The following ROBO2 variants were observed in gnomAD, a reference collection of about 807,000 sequenced individuals.
The protein encoded by ROBO2 is roundabout guidance receptor 2.
In ROBO2, 53 loss-of-function variants were observed where a neutral mutation model predicts 160.8. The observed-to-expected ratio is 0.33, with a 90% confidence interval of 0.26 to 0.41. ROBO2 has a LOEUF of 0.41. Among genes scored for constraint, ROBO2 ranks in the 10% least tolerant of loss-of-function variants. The pLI is 1.00. For synonymous variants in ROBO2, 664 were observed against 611.7 expected (o/e 1.09, Z -1.26); for missense variants, 1,577 against 1,722.4 (o/e 0.92, Z 1.49).
At chr3:76,676,788 CT>C (rs574785948) in intron 2 of ROBO2, among the ~76,000 whole-genome samples, 4 of 151,792 alleles carry the variant, frequency 2.6e-5, no homozygotes, top group Admixed American at 1.3e-4. Flanking sequence ...GGTTGTAGGG[CT>C]TTTTTTTCCT....
chr3:76,223,365 C>T (rs1019040913), intron 2 of ROBO2, among the ~76,000 whole-genome samples: 1 of 151,686 alleles, frequency 6.6e-6, no homozygotes, highest in Non-Finnish European at 1.5e-5. Context: ...AAGGCTGATA[C>T]CTTTGGTGTG....
intron 2 of ROBO2, among the ~76,000 whole-genome samples, chr3:76,886,481 C>G (rs1169971189): frequency 6.6e-6 from 1 of 151,928 alleles, no homozygotes; most frequent in Non-Finnish European, 1.5e-5. Context: ...GGTCTGATAC[C>G]CGGAGCCAAG....
intron 2 of ROBO2, among the ~76,000 whole-genome samples, chr3:76,373,197 C>T (rs537154805): frequency 2.0e-4 from 31 of 151,906 alleles, no homozygotes; most frequent in Non-Finnish European, 4.1e-4. Flanking sequence ...TTTTGTAATA[C>T]TAGAAACCTG....
At chr3:77,087,594 T>C (rs1010948633) in intron 1 of ROBO2, among the ~76,000 whole-genome samples, 1 of 152,106 alleles carries the variant, frequency 6.6e-6, no homozygotes, top group Non-Finnish European at 1.5e-5. Flanking sequence ...GAAGAGTAAT[T>C]TGTTATTAAG....
rs1326016574 is a variant in ROBO2, at chr3:76,655,456, G to A, written c.110-442558G>A. Among the ~76,000 whole-genome samples, 82 of 16,120 alleles carry A rather than the reference G, an allele frequency of 5.1e-3. 1 individual carries two copies. The highest frequency in any genetic ancestry group is 0.016 in the South Asian group (4 of 244). The allele number at this position is 16,120 out of a possible 152,430, so 10.6% of individuals were successfully genotyped here. A position where few individuals can be genotyped will look rare whatever the true frequency, so the allele number is the denominator to read the frequency against. ...TTTTTTTCCATATATATATATATATGGATTTTTTTCCCTTCAGGAAAAGAA... is the reference window on the plus strand; with the variant it reads ...TTTTTTTCCATATATATATATATATAGATTTTTTTCCCTTCAGGAAAAGAA... On this transcript the variant is annotated intron_variant, in intron 2 of 26. Coordinates refer to the ROBO2 transcript ENST00000487694.
chr3:77,024,424 T>C (rs1268043321), intron 2 of ROBO2, among the ~76,000 whole-genome samples: 2 of 152,176 alleles, frequency 1.3e-5, no homozygotes, highest in African/African-American at 2.4e-5. Context: ...CTTGAGACAC[T>C]GATGGACGGA....
chr3:76,202,265 G>C (rs1003499620), intron 2 of ROBO2, among the ~76,000 whole-genome samples: 12 of 152,150 alleles, frequency 7.9e-5, no homozygotes, highest in Admixed American at 5.2e-4. Context: ...AAAAAGAGAG[G>C]AGAGAGCAAT....
At chr3:76,902,735 T>G in intron 2 of ROBO2, among the ~76,000 whole-genome samples, 1 of 151,392 alleles carries the variant, frequency 6.6e-6, no homozygotes, top group African/African-American at 2.5e-5. Flanking sequence ...ACTTGACCAC[T>G]ATCCAATTCT....
At position 77,469,248 on chromosome 3, in the gene ROBO2, A is replaced by G. The variant is rs185954417; in HGVS notation, c.389-8166A>G. Among the ~76,000 whole-genome samples, 3 of 152,224 alleles carry G rather than the reference A, an allele frequency of 2.0e-5. No homozygotes were observed. In the East Asian group the frequency reaches 5.8e-4, roughly 29 times the overall value. On this transcript the variant is annotated intron_variant, in intron 2 of 25. Transcript: ENST00000461745. Reference sequence around the variant, plus strand: ...AGAGTTAGCATAGTTTTCAGAATTAATTTGTCCAGCCATGTCCTTAAGAGC... The same window carrying G: ...AGAGTTAGCATAGTTTTCAGAATTAGTTTGTCCAGCCATGTCCTTAAGAGC...
intron 2 of ROBO2, among the ~76,000 whole-genome samples, chr3:77,182,847 C>G (rs1289416815): frequency 6.6e-6 from 1 of 151,972 alleles, no homozygotes; most frequent in Non-Finnish European, 1.5e-5. Flanking sequence ...TTATATGAGA[C>G]CTCCTGAATG....
chr3:77,275,613 A>C (rs559020183), intron 2 of ROBO2, among the ~76,000 whole-genome samples: 1 of 152,292 alleles, frequency 6.6e-6, no homozygotes, highest in South Asian at 2.1e-4. Context: ...GTTTTTCTAC[A>C]TTCTCTTTTC....
At chr3:77,448,890 A>T (rs1674010843) in intron 2 of ROBO2, among the ~76,000 whole-genome samples, 1 of 152,090 alleles carries the variant, frequency 6.6e-6, no homozygotes, top group Non-Finnish European at 1.5e-5. Context: ...GTGAAAAAAA[A>T]TCACATGAGA....
intron 2 of ROBO2, among the ~76,000 whole-genome samples, chr3:76,940,096 C>A (rs1274281972): frequency 2.7e-5 from 4 of 150,828 alleles, no homozygotes; most frequent in Admixed American, 6.6e-5. Flanking sequence ...ATTCTCCTGC[C>A]TCAGCCTCCC....
At chr3:77,611,288 ACT>A (rs2094635567) in intron 21 of ROBO2, among the ~76,000 whole-genome samples, 1 of 128,202 alleles carries the variant, frequency 7.8e-6, no homozygotes, top group Non-Finnish European at 1.7e-5. Context: ...ACAGAGCGAG[ACT>A]CTGTCTCAAA....
chr3:76,009,387 G>A (rs1559828114), intron 2 of ROBO2, among the ~76,000 whole-genome samples: 1 of 152,170 alleles, frequency 6.6e-6, no homozygotes, highest in African/African-American at 2.4e-5. Context: ...ACAGGCGTAA[G>A]CCACCGCGCC....
intron 2 of ROBO2, among the ~76,000 whole-genome samples, chr3:76,618,127 AG>A (rs2088748465): frequency 6.6e-6 from 1 of 151,714 alleles, no homozygotes; most frequent in African/African-American, 2.4e-5. Flanking sequence ...AACCAGAGCC[AG>A]GGAGGACTAG....
rs183684587 is a variant in ROBO2 at position 76,054,107 on chromosome 3, T to C, written c.109+116505T>C. 1.1e-3 allele frequency among the ~76,000 whole-genome samples: 172 copies of C among 152,254 alleles called. 1 individual carries two copies. The Middle Eastern group carries it at 0.017, about 15-fold the overall frequency. ...GAAATATGTTTTAAGTCCTGCCTTT[T>C]TGTAATTGAGAGTTATATTTTTACT... On this transcript the variant is annotated intron_variant, in intron 2 of 26. Coordinates refer to the ROBO2 transcript ENST00000487694.
At chr3:77,481,918 C>T (rs555941692) in intron 4 of ROBO2, among the ~76,000 whole-genome samples, 1 of 151,950 alleles carries the variant, frequency 6.6e-6, no homozygotes, top group Non-Finnish European at 1.5e-5. Context: ...GAAAATACTG[C>T]AGGGCAGCTG....
intron 2 of ROBO2, among the ~76,000 whole-genome samples, chr3:77,349,497 C>T (rs767658880): frequency 1.7e-4 from 26 of 152,216 alleles, no homozygotes; most frequent in Non-Finnish European, 2.9e-4. Context: ...ATGAAATCGA[C>T]GTGTAATGAG....
Sources: allele counts gnomAD v4.1 joint callset (sites outside exome capture counted in the v4.1 genomes callset), GRCh38; gene constraint gnomAD v4.1.1; transcripts MANE v1.5; gene names NCBI Gene and HGNC (gene_info 2026-07-23, HGNC 2026-07-21).